TMBIM1: variants seen among roughly 807,000 people sequenced by gnomAD.
TMBIM1 encodes transmembrane BAX inhibitor motif containing 1, also known as protein lifeguard 3.
A neutral mutation model predicts 45.1 loss-of-function variants in TMBIM1; 34 were observed. That is an observed-to-expected ratio of 0.75 (90% CI 0.57 to 1.00). The LOEUF is 1.00. TMBIM1 is among the 50% of genes least tolerant of loss of function. The pLI is 0.00. For missense variants in TMBIM1, 374 were observed against 402.4 expected (o/e 0.93, Z 0.60); for synonymous variants, 157 against 153.5 (o/e 1.02, Z -0.17).
At chr2:218,287,345 A>T (rs1315160845) in intron 1 of TMBIM1, 1 of 151,868 alleles carries the variant, frequency 6.6e-6, no homozygotes, top group Non-Finnish European at 1.5e-5. Flanking sequence ...ACCAGCACAC[A>T]CCCTCTCCCA....
intron 1 of TMBIM1, among the ~76,000 whole-genome samples, chr2:218,290,595 G>A (rs540492765): frequency 1.3e-5 from 2 of 152,300 alleles, no homozygotes; most frequent in South Asian, 4.1e-4. Flanking sequence ...AAGGGCCGGG[G>A]GACATATCCA....
chr2:218,280,006 C>T lies in TMBIM1; in HGVS notation c.303+20G>A, dbSNP rs779105828. On this transcript the variant is annotated intron_variant, in intron 3 of 11. Transcript: ENST00000258412. Reference sequence around the variant, plus strand: ...GCCTGAGGGGCCCCAGGTACACCCACCTCCCAGCGCGTATCTTACCTTTCG... The same window carrying T: ...GCCTGAGGGGCCCCAGGTACACCCATCTCCCAGCGCGTATCTTACCTTTCG... The T allele has an allele frequency of 1.9e-6, 3 of 1,608,972 alleles. No individual in the cohort carries two copies. Among genetic ancestry groups the T allele is most frequent in the Admixed American group, 1.7e-5 (1 of 59,992 alleles).
chr2:218,292,273 C>T (rs961007035), intron 1 of TMBIM1, among the ~76,000 whole-genome samples, 193 bp downstream of exon 1: 4 of 152,244 alleles, frequency 2.6e-5, no homozygotes, highest in African/African-American at 9.6e-5. Flanking sequence ...CACCCGCGCG[C>T]CCAGGGAGAG....
chr2:218,277,969 C>T lies in TMBIM1; in HGVS notation c.479G>A (p.Arg160His), dbSNP rs373505480. 1.1e-4 allele frequency: 174 copies of T among 1,614,028 alleles called. No homozygotes were observed. Among genetic ancestry groups the T allele is most frequent in the Non-Finnish European group, 1.3e-4 (154 of 1,180,026 alleles). The part of the protein sequence containing the change: ...ILACCQGPRR[R>H]FPWNIILLTL... ...CAGCAGAATGATGTTCCATGGGAAACGGCGTCTGAAGGGAAAGAGAAGCCT... is the reference window on the plus strand; with the variant it reads ...CAGCAGAATGATGTTCCATGGGAAATGGCGTCTGAAGGGAAAGAGAAGCCT... The change falls in exon 7 of 12, where the codon CGT becomes CAT. Residue 160 changes from arginine to histidine, a missense_variant. Physicochemically the swap from Arg to His is conservative, Grantham distance 29. Coordinates refer to ENST00000258412, the MANE Select transcript of TMBIM1 (RefSeq NM_022152.6).
Position 218,275,489 on chromosome 2 carries a change from C to T in TMBIM1, c.922G>A (p.Gly308Arg). The change falls in exon 12 of 12, where the codon GGG becomes AGG. Residue 308 changes from glycine to arginine, a missense_variant. Transcript: ENST00000258412. ...GGGCTTGCTCCTTAATTGCGATCCC[C>T]CATCAGCTGCAGCACAAAGGTGAAG... Reference protein sequence around the residue: ...YIFTFVLQLMGDRN With the variant: ...YIFTFVLQLMRDRN 6.2e-7 allele frequency: 1 copy of T among 1,613,618 alleles called. No homozygotes were observed. Among genetic ancestry groups the T allele is most frequent in the Admixed American group, 1.7e-5 (1 of 59,968 alleles).
Position 218,277,642 on chromosome 2 carries a change from G to C in TMBIM1, c.542C>G (p.Thr181Ser). Residue 181 changes from threonine (T) to serine (S), a missense_variant, in exon 8 of 12, where the codon ACC becomes AGC. Transcript: ENST00000258412. ...TTATCCCTGAATGTACCTGGAAATG[G>C]TGCCCGTCATGAAGCCCATGGCAAA... ...FTFAMGFMTG[T>S]ISSMYQTKAV... 6.2e-7 allele frequency: 1 copy of C among 1,614,166 alleles called. No individual in the cohort carries two copies. The highest frequency in any genetic ancestry group is 8.5e-7 in the Non-Finnish European group (1 of 1,180,034).
rs754982758 is a variant in TMBIM1, at chr2:218,275,583, C to T, written c.828G>A (p.Arg276=). The change falls in exon 12 of 12, where the codon CGG becomes CGA. Residue 276 remains arginine, a synonymous_variant. Coordinates refer to ENST00000258412, the MANE Select transcript of TMBIM1 (RefSeq NM_022152.6). ...AGTCCTCGGGGCTGATGGTGTGCTTCCGGTTCCCCAGGACCAGCTGTGTGT... is the reference window on the plus strand; with the variant it reads ...AGTCCTCGGGGCTGATGGTGTGCTTTCGGTTCCCCAGGACCAGCTGTGTGT... The part of the protein sequence containing the change: ...AYDTQLVLGN[R]KHTISPEDYI... The T allele has an allele frequency of 6.8e-6, 11 of 1,613,818 alleles. No individual in the cohort carries two copies. Among genetic ancestry groups the T allele is most frequent in the Non-Finnish European group, 9.3e-6 (11 of 1,179,958 alleles).
chr2:218,275,735 T>G (rs938612754), intron 11 of TMBIM1, 114 bp from the exon 12 acceptor site: 31 of 1,281,520 alleles, frequency 2.4e-5, no homozygotes, highest in Non-Finnish European at 3.2e-5. Flanking sequence ...TAGGGCCACA[T>G]TAACGCACAG....
chr2:218,283,218 C>A (rs1380840328), intron 1 of TMBIM1, among the ~76,000 whole-genome samples: 1 of 152,208 alleles, frequency 6.6e-6, no homozygotes, highest in Non-Finnish European at 1.5e-5. Context: ...GAAGGGACCT[C>A]AGGGCCATAA....
Position 218,274,485 on chromosome 2 carries a change from G to T in TMBIM1, c.*990C>A, listed in dbSNP as rs1691014542. The T allele has an allele frequency of 6.5e-6, 1 of 154,042 alleles. No homozygotes were observed. Among genetic ancestry groups the T allele is most frequent in the African/African-American group, 2.4e-5 (1 of 41,474 alleles). The allele number at this position is 154,042 out of a possible 1,614,324, so 9.5% of individuals were successfully genotyped here. A position where few individuals can be genotyped will look rare whatever the true frequency, so the allele number is the denominator to read the frequency against. On this transcript the variant is annotated 3_prime_UTR_variant, in exon 12 of 12. Transcript: ENST00000258412. Reference sequence around the variant, plus strand: ...TCACCTTCCTCTTAGGACCCTCCCTGGGTTAGCAGAAGGAAAGAACCCAGA... The same window carrying T: ...TCACCTTCCTCTTAGGACCCTCCCTTGGTTAGCAGAAGGAAAGAACCCAGA...
Position 218,277,341 on chromosome 2 carries a change from AGGGAAGG to A in TMBIM1, c.639+18_639+24del. 1 of 1,607,246 alleles carries A rather than the reference AGGGAAGG, an allele frequency of 6.2e-7. No individual in the cohort carries two copies. Among genetic ancestry groups the A allele is most frequent in the Admixed American group, 1.7e-5 (1 of 60,012 alleles). On this transcript the variant is annotated intron_variant, in intron 9 of 11. Transcript: ENST00000258412. The stretch of plus-strand genomic sequence containing the variant: ...GATAAGAAAGGGGAGTCGGGGGGCC[AGGGAAGG>A]GCCCTCCATGCCCTCACCTTGGTCT...
At chr2:218,277,693 A>G in intron 7 of TMBIM1, 23 bp from the exon 8 acceptor site, 1 of 1,614,096 alleles carries the variant, frequency 6.2e-7, no homozygotes, top group Non-Finnish European at 8.5e-7. Context: ...GAGAGACAAG[A>G]ATGAAACACT....
Position 218,279,340 on chromosome 2 carries a change from A to C in TMBIM1, c.317T>G (p.Ile106Ser). Residue 106 changes from isoleucine (I) to serine (S), a missense_variant, in exon 4 of 12, where the codon ATC becomes AGC. By Grantham distance (142) the Ile-to-Ser change is moderately radical. Transcript: ENST00000258412. Reference sequence around the variant, plus strand: ...CACAGTGATGAGCAGCTGCACGGAGATGATGGAGTAAACCTGGACACAGAC... The same window carrying C: ...CACAGTGATGAGCAGCTGCACGGAGCTGATGGAGTAAACCTGGACACAGAC... ...HTFIRKVYSI[I>S]SVQLLITVAI... is the part of the protein sequence containing the mutation. 6.3e-7 allele frequency: 1 copy of C among 1,583,992 alleles called. No homozygotes were observed. Among genetic ancestry groups the C allele is most frequent in the Non-Finnish European group, 8.6e-7 (1 of 1,165,532 alleles).
At chr2:218,289,375 C>T (rs1306373945) in intron 1 of TMBIM1, among the ~76,000 whole-genome samples, 1 of 152,142 alleles carries the variant, frequency 6.6e-6, no homozygotes, top group Admixed American at 6.5e-5. Flanking sequence ...GGCGCGGTGG[C>T]TCATGCCTGT....
chr2:218,289,000 G>C (rs577507850), intron 1 of TMBIM1, among the ~76,000 whole-genome samples: 1 of 152,310 alleles, frequency 6.6e-6, no homozygotes, highest in South Asian at 2.1e-4. Flanking sequence ...CAGGCAAACA[G>C]CAGAGATGAG....
chr2:218,292,091 C>T lies in TMBIM1; in HGVS notation c.-41+375G>A, dbSNP rs558437189. On this transcript the variant is annotated intron_variant, in intron 1 of 11. Transcript: ENST00000258412. The stretch of plus-strand genomic sequence containing the variant: ...GCTGAGGGCCATGAAAGCCCTCATC[C>T]CACACAGCTGGCCACTCGGGCTGGC... Among the ~76,000 whole-genome samples the T allele has an allele frequency of 1.6e-4, 24 of 152,324 alleles. No individual in the cohort carries two copies. The East Asian group carries it at 2.9e-3, about 18-fold the overall frequency.
chr2:218,275,624 G>C lies in TMBIM1; in HGVS notation c.790-3C>G. On this transcript the variant is annotated splice_region_variant and splice_polypyrimidine_tract_variant and intron_variant, in intron 11 of 11. Coordinates refer to ENST00000258412, the MANE Select transcript of TMBIM1 (RefSeq NM_022152.6). ...AGCTGTGTGTCGTAAGCCAGGAACT[G>C]CAAGGATAGGGAAGCCAGAAGTGAG... 2 of 1,608,730 alleles carry C rather than the reference G, an allele frequency of 1.2e-6. No homozygotes were observed. The highest frequency in any genetic ancestry group is 2.2e-5 in the South Asian group (2 of 90,348).
rs1691001535 is a variant in TMBIM1 at position 218,274,330 on chromosome 2, G to A, written c.*1145C>T. 1.3e-5 allele frequency: 2 copies of A among 154,866 alleles called. No individual in the cohort carries two copies. Among genetic ancestry groups the A allele is most frequent in the African/African-American group, 2.4e-5 (1 of 41,482 alleles). The allele number at this position is 154,866 out of a possible 1,614,324, so 9.6% of individuals were successfully genotyped here. A position where few individuals can be genotyped will look rare whatever the true frequency, so the allele number is the denominator to read the frequency against. ...ATTTGATTTCTGCCCCCACCCGACA[G>A]ACTGACCCTTGTCCCCCTTCCCCAT... On this transcript the variant is annotated 3_prime_UTR_variant, in exon 12 of 12. Coordinates refer to ENST00000258412, the MANE Select transcript of TMBIM1 (RefSeq NM_022152.6).
intron 2 of TMBIM1, among the ~76,000 whole-genome samples, 189 bp downstream of exon 2, chr2:218,281,751 C>G (rs1183807263): frequency 1.3e-5 from 2 of 152,136 alleles, no homozygotes; most frequent in Non-Finnish European, 2.9e-5. Context: ...CAGCAAGTGG[C>G]TGGGGGCCAG....
Sources: allele counts gnomAD v4.1 joint callset (sites outside exome capture counted in the v4.1 genomes callset), GRCh38; gene constraint gnomAD v4.1.1; transcripts MANE v1.5; gene names NCBI Gene and HGNC (gene_info 2026-07-23, HGNC 2026-07-21).